The following DYM variants were observed in gnomAD, a reference collection of about 807,000 sequenced individuals.
DYM encodes the protein dyggve-Melchior-Clausen syndrome protein.
A neutral mutation model predicts 93.1 loss-of-function variants in DYM; 78 were observed. The observed-to-expected ratio is 0.84, with a 90% CI of 0.70 to 1.01. The LOEUF (loss-of-function observed/expected upper bound fraction) is 1.01. Among genes scored for constraint, DYM ranks in the 50% least tolerant of loss-of-function variants. The pLI, the probability that DYM is intolerant of heterozygous loss-of-function variation, is 0.00. For missense variants in DYM, 789 were observed against 845.0 expected (o/e 0.93, Z 0.82); for synonymous variants, 321 against 319.7 (o/e 1.00, Z -0.04).
intron 15 of DYM, among the ~76,000 whole-genome samples, chr18:49,142,477 G>A (rs964278059): frequency 1.3e-4 from 20 of 152,120 alleles, no homozygotes; most frequent in African/African-American, 4.8e-4. Flanking sequence ...AGAATTTGAA[G>A]GGTTTGCTTT....
chr18:49,234,638 C>T (rs1598811827), intron 13 of DYM, among the ~76,000 whole-genome samples: 2 of 152,106 alleles, frequency 1.3e-5, no homozygotes, highest in East Asian at 3.9e-4. Flanking sequence ...GGCAGAATTT[C>T]CCCTGCTCAA....
Position 49,318,797 on chromosome 18 carries a change from CTTTTTT to C in DYM, c.763+13061_763+13066del, listed in dbSNP as rs932617888. On this transcript the variant is annotated intron_variant, in intron 8 of 17. Coordinates refer to ENST00000675505, the MANE Select transcript of DYM (RefSeq NM_001353214.3). Reference sequence around the variant, plus strand: ...TGAACAGGTAACATTATTTCTTTTTCTTTTTTTTTTTTTTTTTTTTTGAGACAGAGT... The same window carrying C: ...TGAACAGGTAACATTATTTCTTTTTCTTTTTTTTTTTTTTTGAGACAGAGT... Among the ~76,000 whole-genome samples, 8 of 114,382 alleles carry C rather than the reference CTTTTTT, an allele frequency of 7.0e-5. 1 individual carries two copies. The South Asian group carries it at 1.1e-3, about 16-fold the overall frequency. The allele number at this position is 114,382 out of a possible 152,430, so 75.0% of individuals were successfully genotyped here.
chr18:49,346,911 CCCTAA>C (rs1478117400), intron 6 of DYM, among the ~76,000 whole-genome samples: 3 of 152,072 alleles, frequency 2.0e-5, no homozygotes, highest in Admixed American at 6.5e-5. Flanking sequence ...CATTTAAATA[CCCTAA>C]CCTATTATAT....
In DYM at chr18:49,363,194, C is replaced by T; in HGVS notation, c.461G>A (p.Cys154Tyr). Residue 154 changes from cysteine (C) to tyrosine (Y), a missense_variant, in exon 6 of 18, where the codon TGT (cysteine) becomes TAT (tyrosine). Around this residue, in one of 3 missense-constraint regions of DYM, gnomAD observed 450 missense variants for 436.2 expected, o/e 1.03. Coordinates refer to ENST00000675505, the MANE Select transcript of DYM (RefSeq NM_001353214.3). ...AATATCAGTGATCAACTGCATCAAA[C>T]AGCACAGCAATTCTTCCAAAAGATC... Reference protein sequence around the residue: ...SEDLLEELLCCLMQLITDIPL... With the variant: ...SEDLLEELLCYLMQLITDIPL... 1.2e-6 allele frequency: 2 copies of T among 1,613,986 alleles called. No individual in the cohort carries two copies. The highest frequency in any genetic ancestry group is 1.1e-5 in the South Asian group (1 of 91,078).
Position 49,038,926 on chromosome 18 carries a change from CATTTT to C in DYM, c.*5124_*5128del, listed in dbSNP as rs1423311709. On this transcript the variant is annotated 3_prime_UTR_variant, in exon 18 of 18. Coordinates refer to ENST00000675505, the MANE Select transcript of DYM (RefSeq NM_001353214.3). ...CCACATAAATCCTTTCATTTTCATA[CATTTT>C]ATTTCTCTATATATTTAAAACTCCA... Among the ~76,000 whole-genome samples, 4 of 152,164 alleles carry C rather than the reference CATTTT, an allele frequency of 2.6e-5. No homozygotes were observed. The highest frequency in any genetic ancestry group is 4.8e-5 in the African/African-American group (2 of 41,448).
chr18:49,309,068 C>T (rs1009192659), intron 8 of DYM, among the ~76,000 whole-genome samples: 6 of 152,076 alleles, frequency 3.9e-5, no homozygotes, highest in Non-Finnish European at 7.4e-5. Flanking sequence ...ATTAGCATTA[C>T]GTTAGTATTG....
At chr18:49,337,604 A>C (rs750611379) in intron 6 of DYM, among the ~76,000 whole-genome samples, 1 of 152,204 alleles carries the variant, frequency 6.6e-6, no homozygotes, top group Non-Finnish European at 1.5e-5. Context: ...AGAGATTGAG[A>C]ACATCACAGC....
intron 17 of DYM, among the ~76,000 whole-genome samples, chr18:49,053,609 C>A (rs193007465): frequency 6.6e-6 from 1 of 152,216 alleles, no homozygotes; most frequent in East Asian, 1.9e-4. Flanking sequence ...ACGTGCAGGG[C>A]TTGTGGTGGG....
At chr18:49,241,955 G>A (rs938545944) in intron 13 of DYM, among the ~76,000 whole-genome samples, 1 of 152,098 alleles carries the variant, frequency 6.6e-6, no homozygotes, top group African/African-American at 2.4e-5. Flanking sequence ...CACCTTCTAC[G>A]CTGCGAGTTA....
Position 49,221,162 on chromosome 18 carries a change from C to T in DYM, c.1461-11447G>A, listed in dbSNP as rs1191373175. 4.0e-3 allele frequency among the ~76,000 whole-genome samples: 601 copies of T among 151,652 alleles called. 4 individuals are homozygous for T. The highest frequency in any genetic ancestry group is 0.013 in the African/African-American group (533 of 41,354). On this transcript the variant is annotated intron_variant, in intron 13 of 17. Coordinates refer to ENST00000675505, the MANE Select transcript of DYM (RefSeq NM_001353214.3). ...CAAAAAACACATGAAAAAATGCTCA[C>T]CATCACTGGCCATCAGAGAAATGCA... is the stretch of plus-strand genomic sequence containing the variant.
At chr18:49,221,210 C>G (rs1180221294) in intron 13 of DYM, among the ~76,000 whole-genome samples, 2 of 152,044 alleles carry the variant, frequency 1.3e-5, no homozygotes, top group Non-Finnish European at 2.9e-5. Context: ...AATGAGATAC[C>G]ATCTCACACC....
At chr18:49,301,207 T>C (rs2060907297) in intron 8 of DYM, among the ~76,000 whole-genome samples, 1 of 152,146 alleles carries the variant, frequency 6.6e-6, no homozygotes, top group African/African-American at 2.4e-5. Context: ...GTGTATGCCT[T>C]TACTCCTTAA....
At chr18:49,174,437 C>T (rs976827196) in intron 14 of DYM, among the ~76,000 whole-genome samples, 1 of 152,126 alleles carries the variant, frequency 6.6e-6, no homozygotes, top group African/African-American at 2.4e-5. Context: ...AGCTAGAATT[C>T]ACAGCCTGGT....
At chr18:49,443,137 T>G (rs2081803687) in intron 1 of DYM, among the ~76,000 whole-genome samples, 1 of 152,210 alleles carries the variant, frequency 6.6e-6, no homozygotes, top group Non-Finnish European at 1.5e-5. Context: ...CATAAGCCAC[T>G]GCGCCCAACC....
intron 13 of DYM, among the ~76,000 whole-genome samples, chr18:49,214,706 G>T (rs554736379): frequency 2.0e-4 from 31 of 152,250 alleles, no homozygotes; most frequent in African/African-American, 7.5e-4. Context: ...ATACCCAGCA[G>T]AACTACAACC....
At chr18:49,070,925 C>G (rs1305832626) in intron 17 of DYM, among the ~76,000 whole-genome samples, 2 of 152,038 alleles carry the variant, frequency 1.3e-5, no homozygotes, top group African/African-American at 2.4e-5. Flanking sequence ...CCCATTGTGC[C>G]CTGATTTGAA....
chr18:49,427,905 T>C (rs2074436901), intron 2 of DYM, among the ~76,000 whole-genome samples: 1 of 150,112 alleles, frequency 6.7e-6, no homozygotes, highest in African/African-American at 2.5e-5. Context: ...CTGGGCAACA[T>C]GGCAAGACCT....
At chr18:49,354,278 G>A (rs992948781) in intron 6 of DYM, among the ~76,000 whole-genome samples, 1 of 151,990 alleles carries the variant, frequency 6.6e-6, no homozygotes, top group African/African-American at 2.4e-5. Flanking sequence ...CGATAAAATA[G>A]GAGAAAATCC....
At chr18:49,194,389 A>G (rs767353976) in intron 14 of DYM, among the ~76,000 whole-genome samples, 67 of 152,264 alleles carry the variant, frequency 4.4e-4, no homozygotes, top group African/African-American at 1.5e-3. Context: ...CTCCTTCACC[A>G]ACGCAATCTA....
Sources: gnomAD v4.1 joint callset for allele counts (sites outside exome capture counted in the v4.1 genomes callset) on GRCh38, gnomAD v4.1.1 for gene constraint, gnomAD v4.1.1 regional missense constraint, MANE v1.5 for transcripts, NCBI Gene and HGNC (gene_info 2026-07-23, HGNC 2026-07-21) for gene names.